CAMSAP3: variants seen among roughly 807,000 people sequenced by gnomAD.
CAMSAP3 encodes calmodulin regulated spectrin associated protein family member 3.
CAMSAP3 carries 34 observed loss-of-function variants against 112.5 expected under a neutral mutation model. The ratio of observed to expected loss-of-function variants is 0.30; its 90% CI spans 0.23 to 0.40. CAMSAP3 has a LOEUF of 0.40. CAMSAP3 is among the 10% of genes least tolerant of loss of function. The pLI is 1.00. For synonymous variants in CAMSAP3, 868 were observed against 799.8 expected, an observed-to-expected ratio of 1.09 and a Z score of -1.44; for missense variants, 1,602 against 1,770.3, an observed-to-expected ratio of 0.90 and a Z score of 1.71.
chr19:7,612,431 T>TGGGGAGGCGGAAGCAGAGGCG lies in CAMSAP3; in HGVS notation c.1940_1960dup (p.Gly647_Ala653dup). The TGGGGAGGCGGAAGCAGAGGCG allele has an allele frequency of 6.3e-7, 1 of 1,591,832 alleles. No homozygotes were observed. The highest frequency in any genetic ancestry group is 1.7e-4 in the Middle Eastern group (1 of 5,920). On this transcript the variant is annotated inframe_insertion, in exon 11 of 17. Coordinates refer to ENST00000160298, the MANE Select transcript of CAMSAP3 (RefSeq NM_020902.2). The stretch of plus-strand genomic sequence containing the variant: ...TGCAGGTGCAGCCGCGGGAAGCCTC[T>TGGGGAGGCGGAAGCAGAGGCG]GGGGAGGCGGAAGCAGAGGCGGAGG...
In CAMSAP3 at chr19:7,612,991, C is replaced by A; in HGVS notation, c.2498C>A (p.Pro833His). ...RSSILLAEETPPEEPAARPGL... is the reference protein window; with the variant it reads ...RSSILLAEETHPEEPAARPGL... ...TCCATCCTCCTGGCGGAGGAGACGCCCCCCGAGGAGCCAGCCGCCCGGCCG... is the reference window on the plus strand; with the variant it reads ...TCCATCCTCCTGGCGGAGGAGACGCACCCCGAGGAGCCAGCCGCCCGGCCG... The change falls in exon 11 of 17, where the codon CCC (proline) becomes CAC (histidine). Residue 833 changes from proline to histidine, a missense_variant. Pro to His is a moderately conservative substitution (Grantham distance 77, BLOSUM62 -2). Transcript: ENST00000160298. The A allele has an allele frequency of 1.3e-6, 2 of 1,582,858 alleles. No homozygotes were observed. The highest frequency in any genetic ancestry group is 1.1e-5 in the South Asian group (1 of 87,026).
intron 1 of CAMSAP3, among the ~76,000 whole-genome samples, chr19:7,602,936 G>T (rs2030035044): frequency 6.6e-6 from 1 of 151,714 alleles, no homozygotes; most frequent in South Asian, 2.1e-4. Context: ...GAGAGGTGGA[G>T]GGGGGCTGGG....
chr19:7,612,142 C>G lies in CAMSAP3; in HGVS notation c.1649C>G (p.Ala550Gly), dbSNP rs1239752072. The change falls in exon 11 of 17, where the codon GCG becomes GGG. Residue 550 changes from alanine (A) to glycine (G), a missense_variant. Ala to Gly is a moderately conservative substitution (Grantham distance 60, BLOSUM62 0). This residue lies in a region of CAMSAP3 where 1,100 missense variants were observed against 1,135.7 expected (regional missense o/e 0.97). Transcript: ENST00000160298. ...PPAPSEGSPK[A>G]VASSPAATNS... is the part of the protein sequence containing the mutation. ...GCCCCATCCGAGGGGTCCCCGAAGG[C>G]GGTGGCTTCGTCCCCAGCAGCCACC... is the stretch of plus-strand genomic sequence containing the variant. 2 of 1,612,378 alleles carry G rather than the reference C, an allele frequency of 1.2e-6. No homozygotes were observed. Among genetic ancestry groups the G allele is most frequent in the African/African-American group, 2.7e-5 (2 of 74,944 alleles).
intron 1 of CAMSAP3, among the ~76,000 whole-genome samples, chr19:7,598,392 C>G (rs569603048): frequency 1.7e-4 from 26 of 152,102 alleles, no homozygotes; most frequent in African/African-American, 6.3e-4. Flanking sequence ...CCCTTCAGGC[C>G]CCTGGTTATG....
chr19:7,599,735 CCACTCATCCATCCAACCACG>C (rs2029867765), intron 1 of CAMSAP3, among the ~76,000 whole-genome samples: 1 of 112,642 alleles, frequency 8.9e-6, no homozygotes, highest in African/African-American at 3.5e-5. Flanking sequence ...TCCACCCACC[CCACTCATCCATCCAACCACG>C]CACTCATCCA....
chr19:7,603,173 A>G (rs1172763689), intron 1 of CAMSAP3, among the ~76,000 whole-genome samples: 1 of 151,700 alleles, frequency 6.6e-6, no homozygotes, highest in Non-Finnish European at 1.5e-5. Context: ...CTGAAGCACT[A>G]GAACCCCTTA....
In CAMSAP3 at chr19:7,607,978, C is replaced by A; in HGVS notation, c.622-148C>A. On this transcript the variant is annotated intron_variant, in intron 4 of 16. Transcript: ENST00000160298. This position sits in a 1 kb window ranked among gnomAD's most constrained non-coding sequence, Gnocchi z 4.9. Reference sequence around the variant, plus strand: ...GCCTCTTGCTGCTGCCCCTCCCCTGCTCCAGGCTGGCCCCCCAACTCTGTC... The same window carrying A: ...GCCTCTTGCTGCTGCCCCTCCCCTGATCCAGGCTGGCCCCCCAACTCTGTC... 1 of 982,766 alleles carries A rather than the reference C, an allele frequency of 1.0e-6. No individual in the cohort carries two copies. The highest frequency in any genetic ancestry group is 1.6e-6 in the Non-Finnish European group (1 of 641,782). 60.9% of individuals were successfully genotyped at this position (982,766 alleles called of 1,614,324 possible). A position where few individuals can be genotyped will look rare whatever the true frequency, so the allele number is the denominator to read the frequency against.
chr19:7,608,086 G>A (rs1478682983), intron 4 of CAMSAP3, 40 bp from the exon 5 acceptor site: 2 of 1,594,642 alleles, frequency 1.3e-6, no homozygotes, highest in Non-Finnish European at 8.6e-7. Context: ...GACCCTGGGG[G>A]CCAGCCTGGC....
In CAMSAP3 at chr19:7,613,129, G is replaced by A. The variant is rs774744380; in HGVS notation, c.2636G>A (p.Gly879Glu). The A allele has an allele frequency of 8.4e-6, 13 of 1,543,360 alleles. No homozygotes were observed. Among genetic ancestry groups the A allele is most frequent in the Middle Eastern group, 2.3e-4 (1 of 4,382 alleles). Residue 879 changes from glycine to glutamate, a missense_variant, in exon 11 of 17, where the codon GGG becomes GAG. Physicochemically the swap from Gly to Glu is moderately conservative, Grantham distance 98. Coordinates refer to ENST00000160298, the MANE Select transcript of CAMSAP3 (RefSeq NM_020902.2). ...TTGGAGGAGGAGGCGTCTTCGGAGG[G>A]GGAGCCCCGGGTGGGGCTGGGGTTC... ...DSLEEEASSE[G>E]EPRVGLGFFY...
rs773466410 is a variant in CAMSAP3, at chr19:7,607,776, G to T, written c.622-350G>T. The T allele has an allele frequency of 1.4e-6, 1 of 700,726 alleles. No homozygotes were observed. Among genetic ancestry groups the T allele is most frequent in the Non-Finnish European group, 2.4e-6 (1 of 413,608 alleles). 43.4% of individuals were successfully genotyped at this position (700,726 alleles called of 1,614,324 possible). A position where few individuals can be genotyped will look rare whatever the true frequency, so the allele number is the denominator to read the frequency against. ...CAAGGTGGGCTTGGGGGCCCAGCAG[G>T]TCAGCACCCCTCCCCCTTGCTGATG... On this transcript the variant is annotated intron_variant, in intron 4 of 16. Transcript: ENST00000160298. This position sits in a 1 kb window ranked among gnomAD's most constrained non-coding sequence, Gnocchi z 4.9.
intron 1 of CAMSAP3, 83 bp from the exon 2 acceptor site, chr19:7,605,143 A>AGGTGG: frequency 6.9e-6 from 3 of 436,586 alleles, no homozygotes; most frequent in Non-Finnish European, 9.7e-6. Flanking sequence ...AATCCGGGCC[A>AGGTGG]TGTGGTGTGT....
rs1384892730 is a variant in CAMSAP3 at position 7,610,822 on chromosome 19, T to G, written c.994+29T>G. 58 of 1,476,628 alleles carry G rather than the reference T, an allele frequency of 3.9e-5. No homozygotes were observed. The highest frequency in any genetic ancestry group is 5.2e-5 in the Non-Finnish European group (55 of 1,057,354). 91.5% of individuals were successfully genotyped at this position (1,476,628 alleles called of 1,614,324 possible). On this transcript the variant is annotated intron_variant, in intron 7 of 16. Coordinates refer to ENST00000160298, the MANE Select transcript of CAMSAP3 (RefSeq NM_020902.2). This position sits in a 1 kb window ranked among gnomAD's most constrained non-coding sequence, Gnocchi z 4.9. ...AGGCCCTGGGGGCCTGGGGGCCGGG[T>G]CGGGGGCGGGTGGGAGAGCCAAACC...
intron 5 of CAMSAP3, 120 bp downstream of exon 5, chr19:7,608,384 A>G: frequency 8.0e-7 from 1 of 1,247,748 alleles, no homozygotes; most frequent in Non-Finnish European, 1.1e-6. Flanking sequence ...TCATGAGGGC[A>G]GCTTCCGGAA....
intron 1 of CAMSAP3, among the ~76,000 whole-genome samples, chr19:7,598,903 A>T (rs897956264): frequency 1.3e-5 from 2 of 152,156 alleles, no homozygotes; most frequent in African/African-American, 4.8e-5. Context: ...GGACATTTTT[A>T]TCCTGGACAA....
chr19:7,609,271 C>A lies in CAMSAP3; in HGVS notation c.760+1007C>A, dbSNP rs943621201. ...AAGTGGAGGTTGCAGTGAGTCAAGA[C>A]CATGCCATTGCACTCTAGCCTGGGC... is the stretch of plus-strand genomic sequence containing the variant. On this transcript the variant is annotated intron_variant, in intron 5 of 16. Transcript: ENST00000160298. 8.6e-5 allele frequency among the ~76,000 whole-genome samples: 13 copies of A among 150,410 alleles called. No individual in the cohort carries two copies. In the South Asian group the frequency reaches 2.5e-3, roughly 29 times the overall value.
chr19:7,599,595 C>T (rs2029865834), intron 1 of CAMSAP3, among the ~76,000 whole-genome samples: 2 of 101,682 alleles, frequency 2.0e-5, no homozygotes, highest in Non-Finnish European at 4.0e-5. Context: ...TCCACCCACC[C>T]ACCTACTCAC....
rs1418231247 is a variant in CAMSAP3 at position 7,611,180 on chromosome 19, G to A, written c.1123+12G>A. 3.1e-6 allele frequency: 5 copies of A among 1,613,084 alleles called. No individual in the cohort carries two copies. Among genetic ancestry groups the A allele is most frequent in the Non-Finnish European group, 4.2e-6 (5 of 1,179,750 alleles). Reference sequence around the variant, plus strand: ...CCGAGGATCCACAGGTGAGGAGGGGGTAGGTGGCTTCTGTCACGGGGGACC... The same window carrying A: ...CCGAGGATCCACAGGTGAGGAGGGGATAGGTGGCTTCTGTCACGGGGGACC... On this transcript the variant is annotated intron_variant, in intron 9 of 16. Transcript: ENST00000160298. The surrounding 1 kb of genome is among the most constrained non-coding windows in gnomAD (Gnocchi z 6.9).
Position 7,616,583 on chromosome 19 carries a change from A to G in CAMSAP3, c.3173A>G (p.Glu1058Gly). 6.2e-7 allele frequency: 1 copy of G among 1,611,306 alleles called. No individual in the cohort carries two copies. The change falls in exon 14 of 17, where the codon GAG becomes GGG. Residue 1058 changes from glutamate to glycine, a missense_variant. Physicochemically the swap from Glu to Gly is moderately conservative, Grantham distance 98 (BLOSUM62 -2). Transcript: ENST00000160298. ...STLSLSTVANEAHNNLGVKRP... is the reference protein window; with the variant it reads ...STLSLSTVANGAHNNLGVKRP... ...CTGTCACTGTCCACTGTGGCCAACG[A>G]GGCCCACAATAACCTCGGGGTGAAG...
intron 1 of CAMSAP3, among the ~76,000 whole-genome samples, chr19:7,597,816 A>G (rs1045237831): frequency 2.0e-5 from 3 of 152,180 alleles, no homozygotes; most frequent in African/African-American, 7.2e-5. Context: ...ACAGCAAAGC[A>G]AACTTCTGAT....
Sources: allele counts gnomAD v4.1 joint callset (sites outside exome capture counted in the v4.1 genomes callset), GRCh38; gene constraint gnomAD v4.1.1; regional missense constraint gnomAD v4.1.1; non-coding constraint Gnocchi (gnomAD v3.1); transcripts MANE v1.5; gene names NCBI Gene and HGNC (gene_info 2026-07-23, HGNC 2026-07-21).